The following CAST variants were observed in gnomAD, a reference collection of about 807,000 sequenced individuals.
CAST encodes the protein calpastatin, also known as MIR583 host.
Under a neutral mutation model 119.6 loss-of-function variants are expected in CAST, and 76 were observed. The observed-to-expected ratio is 0.64, with a 90% CI of 0.53 to 0.77. The LOEUF (loss-of-function observed/expected upper bound fraction) is 0.77. Among genes scored for constraint, CAST ranks in the 30% least tolerant of loss-of-function variants. CAST has a pLI of 0.00. For synonymous variants in CAST, 319 were observed against 331.6 expected (o/e 0.96, Z 0.41); for missense variants, 953 against 946.5 (o/e 1.01, Z -0.09).
At chr5:96,640,385 C>G (rs1747935568) in intron 1 of CAST, among the ~76,000 whole-genome samples, 1 of 152,166 alleles carries the variant, frequency 6.6e-6, no homozygotes. Context: ...GCACTGCTAG[C>G]AAGCAAGAAC....
In CAST at chr5:96,615,589, C is replaced by T. The variant is rs376471838; in HGVS notation, c.61-59950C>T. The stretch of plus-strand genomic sequence containing the variant: ...AGGGAGAATTCAACCTGCTCCACCA[C>T]GCCAGGCCCCAGGGAAGGAGGCCAG... On this transcript the variant is annotated intron_variant, in intron 1 of 11. Coordinates refer to the CAST transcript ENST00000505143. 1.4e-4 allele frequency among the ~76,000 whole-genome samples: 21 copies of T among 152,302 alleles called. No homozygotes were observed. In the South Asian group the frequency reaches 3.7e-3, roughly 27 times the overall value.
chr5:96,668,302 G>A (rs111833896), intron 1 of CAST, among the ~76,000 whole-genome samples: 3,388 of 152,312 alleles, frequency 0.022, 71 homozygotes, highest in Non-Finnish European at 0.035. Context: ...GTTATACGAA[G>A]ATGTGAGAAT....
upstream of CAST, among the ~76,000 whole-genome samples, chr5:96,660,442 T>C (rs891208060): frequency 6.6e-6 from 1 of 152,248 alleles, no homozygotes; most frequent in African/African-American, 2.4e-5. Flanking sequence ...TCTATATCTC[T>C]CCTTCTACTA....
At chr5:96,200,402 A>G in the CAST span, among the ~76,000 whole-genome samples, 2 of 152,106 alleles carry the variant, frequency 1.3e-5, no homozygotes, top group Admixed American at 1.3e-4. Context: ...GTTTTCCCCC[A>G]TTTGGAGTAG....
At chr5:96,153,747 G>A in the CAST span, among the ~76,000 whole-genome samples, 6 of 152,050 alleles carry the variant, frequency 3.9e-5, no homozygotes, top group African/African-American at 1.4e-4. Flanking sequence ...GTCTGTTAAA[G>A]CCACCATATA....
intron 1 of CAST, among the ~76,000 whole-genome samples, chr5:96,650,000 A>G (rs968521955): frequency 6.6e-6 from 1 of 152,244 alleles, no homozygotes; most frequent in African/African-American, 2.4e-5. Context: ...CATAAGTTAG[A>G]TATTATTCTA....
the CAST span, among the ~76,000 whole-genome samples, chr5:96,497,045 G>A: frequency 0.02 from 2,481 of 123,552 alleles, 76 homozygotes; most frequent in African/African-American, 0.065. Flanking sequence ...AGTGTGTGAT[G>A]CTCCCCTTCC....
chr5:96,013,963 T>A, the CAST span, among the ~76,000 whole-genome samples: 1 of 152,224 alleles, frequency 6.6e-6, no homozygotes, highest in East Asian at 1.9e-4. Context: ...CAAATTTATT[T>A]AAAAAATTAT....
At chr5:96,589,349 C>T (rs917422520) in intron 1 of CAST, among the ~76,000 whole-genome samples, 29 of 152,190 alleles carry the variant, frequency 1.9e-4, no homozygotes, top group African/African-American at 4.6e-4. Context: ...TATGAATAGA[C>T]GTATATTTCA....
At chr5:96,680,354 CAAAAAAAA>C (rs71617135) in intron 2 of CAST, among the ~76,000 whole-genome samples, 3 of 29,292 alleles carry the variant, frequency 1.0e-4, no homozygotes, top group African/African-American at 1.5e-4. Context: ...GACTCTGTCT[CAAAAAAAA>C]AAAAAAAAAA....
the CAST span, among the ~76,000 whole-genome samples, chr5:96,334,177 C>T: frequency 2.6e-5 from 4 of 152,176 alleles, no homozygotes; most frequent in Non-Finnish European, 5.9e-5. Flanking sequence ...GAAATTCTCC[C>T]TCCAGAGTGT....
At chr5:96,000,130 A>AT in the CAST span, among the ~76,000 whole-genome samples, 83 of 151,914 alleles carry the variant, frequency 5.5e-4, no homozygotes, top group African/African-American at 1.8e-3. Context: ...ATATGTCGAG[A>AT]TTTTTTTGTA....
the CAST span, among the ~76,000 whole-genome samples, chr5:95,979,992 C>T: frequency 6.6e-6 from 1 of 151,958 alleles, no homozygotes; most frequent in Non-Finnish European, 1.5e-5. Flanking sequence ...GTGGTGGGCA[C>T]CTGTAATCCC....
the CAST span, among the ~76,000 whole-genome samples, chr5:96,017,155 C>T: frequency 2.1e-4 from 32 of 152,146 alleles, no homozygotes; most frequent in South Asian, 5.8e-3. Context: ...TTTTAATCTG[C>T]ACCACAGTTC....
chr5:96,492,324 GTTGGGTC>G, the CAST span, among the ~76,000 whole-genome samples: 1 of 152,216 alleles, frequency 6.6e-6, no homozygotes, highest in African/African-American at 2.4e-5. Context: ...AATTGCTTAA[GTTGGGTC>G]TTGAGTATAT....
At chr5:96,198,044 G>A in the CAST span, among the ~76,000 whole-genome samples, 1 of 152,200 alleles carries the variant, frequency 6.6e-6, no homozygotes, top group Non-Finnish European at 1.5e-5. Flanking sequence ...GATTATAGGT[G>A]TGAATCACCA....
At chr5:96,433,590 CAT>C in the CAST span, among the ~76,000 whole-genome samples, 1 of 152,088 alleles carries the variant, frequency 6.6e-6, no homozygotes, top group African/African-American at 2.4e-5. Context: ...TTTATTATCT[CAT>C]GTGTGTGGCG....
chr5:96,378,405 G>T, the CAST span, among the ~76,000 whole-genome samples: 2 of 152,062 alleles, frequency 1.3e-5, no homozygotes, highest in Admixed American at 1.3e-4. Context: ...TAGCTTGATT[G>T]GGATGATTAT....
the CAST span, among the ~76,000 whole-genome samples, chr5:96,206,622 G>C: frequency 6.6e-6 from 1 of 151,996 alleles, no homozygotes; most frequent in Non-Finnish European, 1.5e-5. Flanking sequence ...GTAGGTGTGC[G>C]GCTTTATTCC....
Sources: allele counts gnomAD v4.1 joint callset (sites outside exome capture counted in the v4.1 genomes callset), GRCh38; gene constraint gnomAD v4.1.1; transcripts MANE v1.5; gene names NCBI Gene and HGNC (gene_info 2026-07-23, HGNC 2026-07-21).